TRIM44: variants seen among roughly 807,000 people sequenced by gnomAD.
TRIM44 encodes tripartite motif-containing protein 44.
Under a neutral mutation model 37.4 loss-of-function variants are expected in TRIM44, and 13 were observed. The ratio of observed to expected loss-of-function variants is 0.35; its 90% CI spans 0.23 to 0.55. TRIM44 has a LOEUF of 0.55. TRIM44 is among the 20% of genes least tolerant of loss of function. The pLI, the probability that TRIM44 is intolerant of heterozygous loss-of-function variation, is 0.89. For synonymous variants in TRIM44, 175 were observed against 157.2 expected, an observed-to-expected ratio of 1.11 and a Z score of -0.85; for missense variants, 426 against 437.2, an observed-to-expected ratio of 0.97 and a Z score of 0.23.
At chr11:35,772,135 A>G (rs956924536) in intron 4 of TRIM44, among the ~76,000 whole-genome samples, 2 of 152,204 alleles carry the variant, frequency 1.3e-5, no homozygotes, top group African/African-American at 4.8e-5. Context: ...CAGCTGCCAC[A>G]TGGTGTTGAG....
intron 4 of TRIM44, among the ~76,000 whole-genome samples, chr11:35,778,214 G>C (rs921499685): frequency 6.6e-6 from 1 of 151,714 alleles, no homozygotes; most frequent in African/African-American, 2.4e-5. Context: ...TTTCATCCTC[G>C]ATCACTGATA....
At chr11:35,774,224 G>C (rs1051688419) in intron 4 of TRIM44, among the ~76,000 whole-genome samples, 1 of 152,200 alleles carries the variant, frequency 6.6e-6, no homozygotes, top group South Asian at 2.1e-4. Context: ...CATAGCCGGT[G>C]ATGATGAGCA....
At chr11:35,686,896 GA>G (rs1217155750) in intron 2 of TRIM44, among the ~76,000 whole-genome samples, 2 of 152,156 alleles carry the variant, frequency 1.3e-5, no homozygotes, top group Non-Finnish European at 2.9e-5. Context: ...TCCATCTCTA[GA>G]GCTTTTTTAC....
chr11:35,748,744 A>G (rs1005705249), intron 4 of TRIM44, among the ~76,000 whole-genome samples: 8 of 152,244 alleles, frequency 5.3e-5, no homozygotes, highest in Non-Finnish European at 1.2e-4. Context: ...GTTGGAGAAT[A>G]TCCTTTTCTT....
chr11:35,768,258 C>A (rs1852822884), intron 4 of TRIM44, among the ~76,000 whole-genome samples: 1 of 152,158 alleles, frequency 6.6e-6, no homozygotes, highest in Non-Finnish European at 1.5e-5. Context: ...AGGTACCATG[C>A]AAAGTAGCTT....
At chr11:35,716,581 C>A (rs757205719) in intron 2 of TRIM44, among the ~76,000 whole-genome samples, 1 of 152,096 alleles carries the variant, frequency 6.6e-6, no homozygotes, top group African/African-American at 2.4e-5. Context: ...AATGTATTGC[C>A]CACTGTTTTT....
Position 35,703,961 on chromosome 11 carries a change from C to T in TRIM44, c.747+18625C>T, listed in dbSNP as rs952843120. ...AAGGCTTCAGACGATCAAACTACTC[C>T]GAGCTACAGGAGGAAATTCAAACCA... On this transcript the variant is annotated intron_variant, in intron 2 of 4. Transcript: ENST00000299413. Among the ~76,000 whole-genome samples, 293 of 152,106 alleles carry T rather than the reference C, an allele frequency of 1.9e-3. 2 individuals are homozygous for T. Among genetic ancestry groups the T allele is most frequent in the African/African-American group, 6.7e-3 (277 of 41,496 alleles).
intron 3 of TRIM44, among the ~76,000 whole-genome samples, chr11:35,734,269 G>A (rs532693400): frequency 1.3e-5 from 2 of 152,250 alleles, no homozygotes; most frequent in African/African-American, 2.4e-5. Context: ...AATACATCCT[G>A]TGTCACAGGC....
chr11:35,771,485 G>A (rs1354358478), intron 4 of TRIM44, among the ~76,000 whole-genome samples: 9 of 152,148 alleles, frequency 5.9e-5, no homozygotes, highest in African/African-American at 2.2e-4. Flanking sequence ...CGGCACTTTG[G>A]GAGGCCAAGG....
rs1053930614 is a variant in TRIM44 at position 35,806,446 on chromosome 11, T to C, written c.*61T>C. On this transcript the variant is annotated 3_prime_UTR_variant, in exon 5 of 5. Coordinates refer to ENST00000299413, the MANE Select transcript of TRIM44 (RefSeq NM_017583.6). Reference sequence around the variant, plus strand: ...CCTTGTGTGTATGTGACAGCGTGTATGTAACGGCTTCTGATTTCTGTGAAA... The same window carrying C: ...CCTTGTGTGTATGTGACAGCGTGTACGTAACGGCTTCTGATTTCTGTGAAA... 3 of 1,581,500 alleles carry C rather than the reference T, an allele frequency of 1.9e-6. No homozygotes were observed. Among genetic ancestry groups the C allele is most frequent in the Non-Finnish European group, 2.6e-6 (3 of 1,151,388 alleles).
rs191653022 is a variant in TRIM44 at position 35,731,346 on chromosome 11, A to G, written c.988-4080A>G. Among the ~76,000 whole-genome samples, 271 of 151,970 alleles carry G rather than the reference A, an allele frequency of 1.8e-3. 4 individuals are homozygous for G. Among genetic ancestry groups the G allele is most frequent in the Non-Finnish European group, 2.3e-3 (155 of 67,952 alleles). On this transcript the variant is annotated intron_variant, in intron 3 of 4. Coordinates refer to ENST00000299413, the MANE Select transcript of TRIM44 (RefSeq NM_017583.6). ...TGTATCTCTTGAAATGATCATACGC[A>G]TTTTTTTCATTATTCTGTTGTAATG...
chr11:35,789,218 A>G (rs759708178), intron 4 of TRIM44, among the ~76,000 whole-genome samples: 10 of 152,258 alleles, frequency 6.6e-5, no homozygotes, highest in South Asian at 4.1e-4. Flanking sequence ...TAAAAGACCT[A>G]TGCACCTCAT....
intron 4 of TRIM44, among the ~76,000 whole-genome samples, chr11:35,778,671 C>T (rs987491004): frequency 6.6e-6 from 1 of 152,166 alleles, no homozygotes; most frequent in African/African-American, 2.4e-5. Context: ...TTTGTTAGTT[C>T]TCCTTCTAAC....
chr11:35,667,185 T>A (rs1474739118), intron 1 of TRIM44, among the ~76,000 whole-genome samples: 1 of 152,224 alleles, frequency 6.6e-6, no homozygotes, highest in Non-Finnish European at 1.5e-5. Flanking sequence ...TTTGATTGGT[T>A]ATTTAATATC....
chr11:35,669,770 C>T (rs145286616), intron 1 of TRIM44, among the ~76,000 whole-genome samples: 3 of 151,682 alleles, frequency 2.0e-5, no homozygotes, highest in African/African-American at 4.8e-5. Flanking sequence ...TAAGCCACCA[C>T]ACCTGGCCAG....
chr11:35,771,072 G>A (rs12279401), intron 4 of TRIM44, among the ~76,000 whole-genome samples: 3,627 of 152,254 alleles, frequency 0.024, 105 homozygotes, highest in African/African-American at 0.066. Context: ...ATGTGGAAGC[G>A]ACTTTGGAAC....
chr11:35,769,718 A>T (rs1007783282), intron 4 of TRIM44, among the ~76,000 whole-genome samples: 5 of 152,210 alleles, frequency 3.3e-5, no homozygotes, highest in African/African-American at 1.2e-4. Flanking sequence ...TAACTGCCAA[A>T]TACCTGGTAA....
At chr11:35,785,837 TA>T (rs1240106514) in intron 4 of TRIM44, among the ~76,000 whole-genome samples, 5 of 152,330 alleles carry the variant, frequency 3.3e-5, no homozygotes, top group African/African-American at 1.2e-4. Context: ...CATATGCATA[TA>T]CTGGATAGTA....
chr11:35,721,119 G>A (rs1312252737), intron 2 of TRIM44, among the ~76,000 whole-genome samples: 2 of 151,974 alleles, frequency 1.3e-5, no homozygotes, highest in African/African-American at 4.8e-5. Flanking sequence ...GGCCGGGCTG[G>A]TCTCAAACTC....
Sources: gnomAD v4.1 joint callset for allele counts (sites outside exome capture counted in the v4.1 genomes callset) on GRCh38, gnomAD v4.1.1 for gene constraint, MANE v1.5 for transcripts, NCBI Gene and HGNC (gene_info 2026-07-23, HGNC 2026-07-21) for gene names.